The following ATP5MG variants were observed in gnomAD, a reference collection of about 807,000 sequenced individuals.
ATP5MG encodes ATP synthase membrane subunit g, also known as ATP synthase F(0) complex subunit g, mitochondrial.
A neutral mutation model predicts 12.7 loss-of-function variants in ATP5MG; 7 were observed. The observed-to-expected ratio is 0.55, with a 90% CI of 0.31 to 1.04. ATP5MG has a LOEUF of 1.04. Among genes scored for constraint, ATP5MG ranks in the 50% least tolerant of loss-of-function variants. ATP5MG has a pLI of 0.05. For missense variants in ATP5MG, 116 were observed against 126.7 expected (o/e 0.92, Z 0.41); for synonymous variants, 53 against 48.2 (o/e 1.10, Z -0.41).
Position 118,409,139 on chromosome 11 carries a change from T to A in ATP5MG, c.*41T>A. 7.1e-7 allele frequency: 1 copy of A among 1,417,126 alleles called. No individual in the cohort carries two copies. Among genetic ancestry groups the A allele is most frequent in the Non-Finnish European group, 9.7e-7 (1 of 1,027,120 alleles). The allele number at this position is 1,417,126 out of a possible 1,614,324, so 87.8% of individuals were successfully genotyped here. A position where few individuals can be genotyped will look rare whatever the true frequency, so the allele number is the denominator to read the frequency against. ...ATCTGATTATATTTGATTTATTATT[T>A]GAGTGTTGTTGGACCATGTGTGATC... On this transcript the variant is annotated 3_prime_UTR_variant, in exon 3 of 3. Coordinates refer to ENST00000300688, the MANE Select transcript of ATP5MG (RefSeq NM_006476.5).
chr11:118,402,696 C>CTT (rs782335353), intron 1 of ATP5MG, among the ~76,000 whole-genome samples: 21,973 of 128,026 alleles, frequency 0.17, 2,312 homozygotes, highest in East Asian at 0.5. Context: ...TTCTTTCTTT[C>CTT]TTTTTTTTTT....
intron 2 of ATP5MG, among the ~76,000 whole-genome samples, 194 bp from the exon 3 acceptor site, chr11:118,408,806 A>G (rs782247637): frequency 6.6e-6 from 1 of 152,126 alleles, no homozygotes; most frequent in African/African-American, 2.4e-5. Flanking sequence ...TGAAAGTTCA[A>G]GGGTTCTCAG....
intron 1 of ATP5MG, chr11:118,406,209 A>AC (rs1462941464): frequency 2.6e-5 from 4 of 152,216 alleles, no homozygotes; most frequent in African/African-American, 9.7e-5. Context: ...TTCTGAAATC[A>AC]CTACTGCAGT....
intron 1 of ATP5MG, among the ~76,000 whole-genome samples, chr11:118,403,008 A>G (rs1555131405): frequency 6.6e-6 from 1 of 151,992 alleles, no homozygotes; most frequent in African/African-American, 2.4e-5. Context: ...CGGGTAATTT[A>G]TCCATTCTCT....
chr11:118,407,092 G>A lies in ATP5MG; in HGVS notation c.208G>A (p.Val70Ile). The A allele has an allele frequency of 1.2e-6, 2 of 1,614,040 alleles. No individual in the cohort carries two copies. The highest frequency in any genetic ancestry group is 4.5e-5 in the East Asian group (2 of 44,882). ...AQTGSFKQLT[V>I]KEAVLNGLVA... ...GACTGGTAGCTTCAAACAGCTCACA[G>A]TTAAGGTAACCACGGGCTAAATGAA... Residue 70 changes from valine (V) to isoleucine (I), a missense_variant, in exon 2 of 3, where the codon GTT becomes ATT. Physicochemically the swap from Val to Ile is conservative, Grantham distance 29 (BLOSUM62 3). Coordinates refer to ENST00000300688, the MANE Select transcript of ATP5MG (RefSeq NM_006476.5).
intron 2 of ATP5MG, 127 bp downstream of exon 2, chr11:118,407,224 T>G (rs1948980624): frequency 4.0e-5 from 54 of 1,341,814 alleles, no homozygotes; most frequent in Non-Finnish European, 5.3e-5. Context: ...AGGAAAAAAA[T>G]TTTGACTGCT....
At chr11:118,405,588 T>G in intron 1 of ATP5MG, 25 of 856,004 alleles carry the variant, frequency 2.9e-5, no homozygotes, top group South Asian at 5.4e-5. Context: ...GTCTGTGTGT[T>G]GGAGATAATA....
rs1167071608 is a variant in ATP5MG at position 118,409,120 on chromosome 11, T to C, written c.*22T>C. On this transcript the variant is annotated 3_prime_UTR_variant, in exon 3 of 3. Transcript: ENST00000300688. Reference sequence around the variant, plus strand: ...TTGAAGACCAATCTTTAACATCTGATTATATTTGATTTATTATTTGAGTGT... The same window carrying C: ...TTGAAGACCAATCTTTAACATCTGACTATATTTGATTTATTATTTGAGTGT... The C allele has an allele frequency of 6.7e-7, 1 of 1,503,604 alleles. No homozygotes were observed. Among genetic ancestry groups the C allele is most frequent in the African/African-American group, 1.4e-5 (1 of 71,506 alleles). 93.1% of individuals were successfully genotyped at this position (1,503,604 alleles called of 1,614,324 possible). A position where few individuals can be genotyped will look rare whatever the true frequency, so the allele number is the denominator to read the frequency against.
At chr11:118,404,015 T>C (rs1948952490) in intron 1 of ATP5MG, 1 of 152,208 alleles carries the variant, frequency 6.6e-6, no homozygotes, top group Non-Finnish European at 1.5e-5. Flanking sequence ...ATATATAATA[T>C]GAACCCTTCC....
chr11:118,404,769 G>A (rs1156815724), intron 1 of ATP5MG, among the ~76,000 whole-genome samples: 1 of 152,180 alleles, frequency 6.6e-6, no homozygotes, highest in African/African-American at 2.4e-5. Flanking sequence ...ATCCCATAAA[G>A]GCAAGGTGTG....
chr11:118,401,756 C>A (rs1948928830), intron 1 of ATP5MG, 39 bp downstream of exon 1: 2 of 1,602,546 alleles, frequency 1.2e-6, no homozygotes, highest in Non-Finnish European at 1.7e-6. Flanking sequence ...GGCACACGGG[C>A]GGCAGGGAGG....
At chr11:118,402,696 CTT>C (rs782335353) in intron 1 of ATP5MG, among the ~76,000 whole-genome samples, 19 of 128,164 alleles carry the variant, frequency 1.5e-4, no homozygotes, top group Non-Finnish European at 2.1e-4. Context: ...TTCTTTCTTT[CTT>C]TTTTTTTTTT....
At chr11:118,404,667 C>A (rs1948957299) in intron 1 of ATP5MG, among the ~76,000 whole-genome samples, 2 of 152,296 alleles carry the variant, frequency 1.3e-5, no homozygotes, top group South Asian at 4.1e-4. Flanking sequence ...TCTGGTGATA[C>A]AAGCTTTCAT....
At position 118,401,718 on chromosome 11, in the gene ATP5MG, G is replaced by A. The variant is rs2134123668; in HGVS notation, c.52+1G>A. On this transcript the variant is annotated splice_donor_variant, in intron 1 of 2. Coordinates refer to ENST00000300688, the MANE Select transcript of ATP5MG (RefSeq NM_006476.5). LOFTEE classifies it high-confidence loss of function. ...GAGAAGACCCCGGCGCTGGTGAACG[G>A]TGAGCGCGATGTGAGACCGCCGAGG... is the stretch of plus-strand genomic sequence containing the variant. 6.2e-7 allele frequency: 1 copy of A among 1,612,950 alleles called. No homozygotes were observed. Among genetic ancestry groups the A allele is most frequent in the East Asian group, 2.2e-5 (1 of 44,802 alleles).
chr11:118,401,648 A>T lies in ATP5MG; in HGVS notation c.-18A>T. 1 of 1,613,674 alleles carries T rather than the reference A, an allele frequency of 6.2e-7. No homozygotes were observed. On this transcript the variant is annotated 5_prime_UTR_variant, in exon 1 of 3. Coordinates refer to ENST00000300688, the MANE Select transcript of ATP5MG (RefSeq NM_006476.5). The stretch of plus-strand genomic sequence containing the variant: ...TTCAGCCGGCGGTTCGGGGCGACGG[A>T]CTCTCCATTCCAGAACCATGGCCCA...
rs1258161836 is a variant in ATP5MG, at chr11:118,409,736, A to G, written c.*638A>G. ...TGTTATTCGTTTGTCTGGTTTTACT[A>G]CCTTTGCAAAAACAAAATACCCCAA... On this transcript the variant is annotated 3_prime_UTR_variant, in exon 3 of 3. Transcript: ENST00000300688. 1 of 152,198 alleles carries G rather than the reference A, an allele frequency of 6.6e-6. No homozygotes were observed. The highest frequency in any genetic ancestry group is 1.5e-5 in the Non-Finnish European group (1 of 68,038). 9.4% of individuals were successfully genotyped at this position (152,198 alleles called of 1,614,324 possible).
intron 2 of ATP5MG, among the ~76,000 whole-genome samples, chr11:118,408,114 A>T (rs940626414): frequency 2.0e-5 from 3 of 152,060 alleles, no homozygotes; most frequent in Non-Finnish European, 2.9e-5. Flanking sequence ...GTGAGCCGAG[A>T]TCGCGCCACT....
chr11:118,406,488 A>G (rs782562418), intron 1 of ATP5MG: 45 of 174,066 alleles, frequency 2.6e-4, no homozygotes, highest in Non-Finnish European at 5.1e-4. Context: ...ATAACTTTTC[A>G]TCTTGTTCTT....
rs1448735305 is a variant in ATP5MG at position 118,406,704 on chromosome 11, G to A, written c.53-233G>A. On this transcript the variant is annotated intron_variant, in intron 1 of 2. Coordinates refer to ENST00000300688, the MANE Select transcript of ATP5MG (RefSeq NM_006476.5). ...GTGAAGTACTGGCATAATTGAATGTGCTTATAGCATCCTGCCTGATTGAAC... is the reference window on the plus strand; with the variant it reads ...GTGAAGTACTGGCATAATTGAATGTACTTATAGCATCCTGCCTGATTGAAC... 3 of 552,698 alleles carry A rather than the reference G, an allele frequency of 5.4e-6. No individual in the cohort carries two copies. The Admixed American group carries it at 9.4e-5, about 17-fold the overall frequency. 34.2% of individuals were successfully genotyped at this position (552,698 alleles called of 1,614,324 possible).
Sources: allele counts gnomAD v4.1 joint callset (sites outside exome capture counted in the v4.1 genomes callset), GRCh38; gene constraint gnomAD v4.1.1; transcripts MANE v1.5; gene names NCBI Gene and HGNC (gene_info 2026-07-23, HGNC 2026-07-21).